Variants in HDAC4 observed in about 807,000 individuals in gnomAD.
The protein encoded by HDAC4 is histone deacetylase A.
HDAC4 carries 16 observed loss-of-function variants against 135.1 expected under a neutral mutation model. The ratio of observed to expected loss-of-function variants is 0.12; its 90% CI spans 0.08 to 0.18. The LOEUF is 0.18. Ranked by LOEUF, HDAC4 falls within the 10% of genes least tolerant of loss-of-function variation. HDAC4 has a pLI of 1.00. For synonymous variants in HDAC4, 685 were observed against 653.4 expected, an observed-to-expected ratio of 1.05 and a Z score of -0.74; for missense variants, 1,143 against 1,511.8, an observed-to-expected ratio of 0.76 and a Z score of 4.05.
intron 1 of HDAC4, among the ~76,000 whole-genome samples, chr2:239,383,603 G>A (rs1695572606): frequency 6.6e-6 from 1 of 152,000 alleles, no homozygotes; most frequent in South Asian, 2.1e-4. Flanking sequence ...AACCCAATAC[G>A]CTCAAAGAGC....
rs569194324 is a variant in HDAC4 at position 239,285,579 on chromosome 2, C to T, written c.23-48915G>A. Reference sequence around the variant, plus strand: ...GAGAGAAAGCTGGCCAAAGGTTGGGCTTTTGAAGTACTAGAAACTTCCTCT... The same window carrying T: ...GAGAGAAAGCTGGCCAAAGGTTGGGTTTTTGAAGTACTAGAAACTTCCTCT... On this transcript the variant is annotated intron_variant, in intron 2 of 26. Transcript: ENST00000543185. This position sits in a 1 kb window ranked among gnomAD's most constrained non-coding sequence, Gnocchi z 4.5. Among the ~76,000 whole-genome samples the T allele has an allele frequency of 6.6e-6, 1 of 152,264 alleles. No homozygotes were observed. Among genetic ancestry groups the T allele is most frequent in the Admixed American group, 6.5e-5 (1 of 15,304 alleles).
chr2:239,073,892 C>T (rs1230117832), intron 22 of HDAC4, among the ~76,000 whole-genome samples: 2 of 152,238 alleles, frequency 1.3e-5, no homozygotes, highest in Admixed American at 6.5e-5. Context: ...AGGCACTGGC[C>T]CCACAGTCCT....
intron 12 of HDAC4, among the ~76,000 whole-genome samples, chr2:239,120,989 CCTTT>C (rs1439973973): frequency 7.3e-6 from 1 of 136,980 alleles, no homozygotes; most frequent in African/African-American, 2.7e-5. Flanking sequence ...CTGATGCTTT[CCTTT>C]AAATTTCTTT....
intron 2 of HDAC4, among the ~76,000 whole-genome samples, chr2:239,278,049 ACACACTCCAGCCG>A (rs2050486886): frequency 6.6e-6 from 1 of 152,100 alleles, no homozygotes; most frequent in Admixed American, 6.5e-5. Flanking sequence ...CGCTCCAGCT[ACACACTCCAGCCG>A]CACACTCGGC....
At chr2:239,356,414 G>A (rs1271064747) in intron 1 of HDAC4, among the ~76,000 whole-genome samples, 3 of 152,164 alleles carry the variant, frequency 2.0e-5, no homozygotes, top group Admixed American at 6.5e-5. Flanking sequence ...AAGAGGAATC[G>A]TGTGAGGAGG....
At chr2:239,327,424 A>G (rs1016198859) in intron 2 of HDAC4, among the ~76,000 whole-genome samples, 1 of 152,252 alleles carries the variant, frequency 6.6e-6, no homozygotes, top group African/African-American at 2.4e-5. Context: ...CCAGGTGTCC[A>G]GCGAGTGAAA....
intron 2 of HDAC4, among the ~76,000 whole-genome samples, chr2:239,328,894 T>C (rs1559366749): frequency 6.6e-6 from 1 of 152,222 alleles, no homozygotes; most frequent in African/African-American, 2.4e-5. Flanking sequence ...TATGACGATT[T>C]ACTGACGCAA....
chr2:239,070,554 C>G, intron 22 of HDAC4, among the ~76,000 whole-genome samples: 1 of 152,230 alleles, frequency 6.6e-6, no homozygotes, highest in South Asian at 2.1e-4. Context: ...GCCTTCGATC[C>G]TGAGTTAATC....
intron 13 of HDAC4, among the ~76,000 whole-genome samples, chr2:239,114,435 C>G (rs1225138302): frequency 3.3e-5 from 5 of 152,264 alleles, no homozygotes; most frequent in Non-Finnish European, 5.9e-5. Flanking sequence ...GGGGCTCCAG[C>G]TGGCTGCCCA....
chr2:239,344,873 G>C (rs773920795), intron 2 of HDAC4, among the ~76,000 whole-genome samples: 2 of 152,108 alleles, frequency 1.3e-5, no homozygotes, highest in Non-Finnish European at 2.9e-5. Flanking sequence ...ATGTAGGGCT[G>C]GTCTACTCTC....
At chr2:239,078,349 G>A (rs1000961537) in intron 22 of HDAC4, among the ~76,000 whole-genome samples, 1 of 152,174 alleles carries the variant, frequency 6.6e-6, no homozygotes, top group Non-Finnish European at 1.5e-5. Context: ...AATGCAATGT[G>A]GCAGGCAACG....
At chr2:239,145,078 T>C (rs1348705811) in intron 7 of HDAC4, among the ~76,000 whole-genome samples, 2 of 152,062 alleles carry the variant, frequency 1.3e-5, no homozygotes, top group African/African-American at 2.4e-5. Context: ...AGTCACTTAA[T>C]GGCGATGTCT....
At chr2:239,097,061 G>A (rs1254470897) in intron 16 of HDAC4, among the ~76,000 whole-genome samples, 2 of 152,194 alleles carry the variant, frequency 1.3e-5, no homozygotes, top group South Asian at 2.1e-4. Flanking sequence ...AGGAGGGCCC[G>A]GCCAGCTGAG....
At chr2:239,144,488 C>G in intron 8 of HDAC4, 95 bp downstream of exon 8, 2 of 1,502,264 alleles carry the variant, frequency 1.3e-6, no homozygotes, top group Non-Finnish European at 1.9e-6. Flanking sequence ...GAGGCAGACA[C>G]GTGGGTTTTC....
chr2:239,146,158 C>T lies in HDAC4; in HGVS notation c.734-1444G>A, dbSNP rs142392798. On this transcript the variant is annotated intron_variant, in intron 7 of 26. Transcript: ENST00000543185. This position sits in a 1 kb window ranked among gnomAD's most constrained non-coding sequence, Gnocchi z 4.5. Reference sequence around the variant, plus strand: ...CACTTCTGTGCCTAACACAACCGACCGAGGCAAGCGTAGATTCACAAGCTC... The same window carrying T: ...CACTTCTGTGCCTAACACAACCGACTGAGGCAAGCGTAGATTCACAAGCTC... Among the ~76,000 whole-genome samples, 31 of 152,314 alleles carry T rather than the reference C, an allele frequency of 2.0e-4. No homozygotes were observed. The highest frequency in any genetic ancestry group is 4.1e-4 in the Non-Finnish European group (28 of 68,026).
intron 3 of HDAC4, among the ~76,000 whole-genome samples, chr2:239,233,093 C>T (rs1182257561): frequency 6.6e-6 from 1 of 152,244 alleles, no homozygotes; most frequent in Non-Finnish European, 1.5e-5. Context: ...ATAATACTAA[C>T]AACATGTCTG....
At chr2:239,347,005 A>ACT (rs1692755407) in intron 2 of HDAC4, among the ~76,000 whole-genome samples, 1 of 124,950 alleles carries the variant, frequency 8.0e-6, no homozygotes, top group Non-Finnish European at 1.8e-5. Context: ...TAAAACACAC[A>ACT]CCCCATCACA....
chr2:239,200,871 T>C (rs961154268), intron 3 of HDAC4, among the ~76,000 whole-genome samples: 5 of 152,130 alleles, frequency 3.3e-5, no homozygotes, highest in African/African-American at 1.2e-4. Context: ...TGGATGGCAC[T>C]GCGCTTTAGC....
chr2:239,220,706 C>G (rs2046899904), intron 3 of HDAC4, among the ~76,000 whole-genome samples: 1 of 152,208 alleles, frequency 6.6e-6, no homozygotes, highest in Non-Finnish European at 1.5e-5. Flanking sequence ...CATCTACGAA[C>G]ATCCATCTTT....
Sources: gnomAD v4.1 joint callset for allele counts (sites outside exome capture counted in the v4.1 genomes callset) on GRCh38, gnomAD v4.1.1 for gene constraint, Gnocchi (gnomAD v3.1) non-coding constraint, MANE v1.5 for transcripts, NCBI Gene and HGNC (gene_info 2026-07-23, HGNC 2026-07-21) for gene names.